The following TMC5 variants were observed in gnomAD, a reference collection of about 807,000 sequenced individuals.
The protein encoded by TMC5 is transmembrane channel like 5, also known as transmembrane channel-like protein 5.
In TMC5, 86 loss-of-function variants were observed where a neutral mutation model predicts 110.5. The observed-to-expected ratio is 0.78, with a 90% CI of 0.65 to 0.93. The LOEUF is 0.93. Among genes scored for constraint, TMC5 ranks in the 40% least tolerant of loss-of-function variants. TMC5 has a pLI of 0.00. For synonymous variants in TMC5, 455 were observed against 439.5 expected, an observed-to-expected ratio of 1.04 and a Z score of -0.44; for missense variants, 1,144 against 1,222.8, an observed-to-expected ratio of 0.94 and a Z score of 0.96.
intron 19 of TMC5, among the ~76,000 whole-genome samples, chr16:19,493,465 C>CTGTCT (rs71375644): frequency 3.6e-4 from 27 of 74,818 alleles, no homozygotes; most frequent in East Asian, 8.4e-4. Context: ...CTCTCTCTCT[C>CTGTCT]TTTTTTTTTT....
At position 19,472,164 on chromosome 16, in the gene TMC5, T is replaced by G. The variant is rs1362004272; in HGVS notation, c.1859T>G (p.Met620Arg). 2 of 1,614,058 alleles carry G rather than the reference T, an allele frequency of 1.2e-6. No homozygotes were observed. The highest frequency in any genetic ancestry group is 1.7e-5 in the Admixed American group (1 of 60,002). Residue 620 changes from methionine (M) to arginine (R), a missense_variant, in exon 11 of 22, where the codon ATG becomes AGG. Physicochemically the swap from Met to Arg is moderately conservative, Grantham distance 91. Coordinates refer to ENST00000542583, the MANE Select transcript of TMC5 (RefSeq NM_001261841.2). ...NQLLTRFSAYMVAWVVSTGVA... is the reference protein window; with the variant it reads ...NQLLTRFSAYRVAWVVSTGVA... Reference sequence around the variant, plus strand: ...CTGCTGACCCGCTTCTCTGCCTACATGGTAGCCTGGGTTGTCTCTACAGGA... The same window carrying G: ...CTGCTGACCCGCTTCTCTGCCTACAGGGTAGCCTGGGTTGTCTCTACAGGA...
intron 15 of TMC5, among the ~76,000 whole-genome samples, chr16:19,482,306 C>G (rs1362459151): frequency 6.6e-6 from 1 of 152,148 alleles, no homozygotes; most frequent in Non-Finnish European, 1.5e-5. Flanking sequence ...GATCCGCCCA[C>G]CTTGGTGGAT....
At position 19,498,370 on chromosome 16, in the gene TMC5, C is replaced by T. The variant is rs147415424; in HGVS notation, c.*404C>T. On this transcript the variant is annotated 3_prime_UTR_variant, in exon 22 of 22. Coordinates refer to ENST00000542583, the MANE Select transcript of TMC5 (RefSeq NM_001261841.2). Reference sequence around the variant, plus strand: ...AGAAACTGTTGCTAAGAAAAGTGGTCCATCCTGAATAAACATGTAATACTC... The same window carrying T: ...AGAAACTGTTGCTAAGAAAAGTGGTTCATCCTGAATAAACATGTAATACTC... The T allele has an allele frequency of 5.6e-5, 11 of 197,088 alleles. No individual in the cohort carries two copies. The highest frequency in any genetic ancestry group is 1.2e-4 in the Admixed American group (2 of 16,792). The allele number at this position is 197,088 out of a possible 1,614,324, so 12.2% of individuals were successfully genotyped here. A position where few individuals can be genotyped will look rare whatever the true frequency, so the allele number is the denominator to read the frequency against.
upstream of TMC5, among the ~76,000 whole-genome samples, chr16:19,413,587 G>C (rs1056867627): frequency 6.7e-6 from 1 of 148,516 alleles, no homozygotes; most frequent in African/African-American, 2.5e-5. Flanking sequence ...GGACAGTAAG[G>C]CTGGCATGGG....
At chr16:19,472,513 T>G (rs1270213551) in intron 11 of TMC5, among the ~76,000 whole-genome samples, 4 of 151,824 alleles carry the variant, frequency 2.6e-5, no homozygotes. Context: ...CTAAAAAAAT[T>G]TTAAAAATTA....
At chr16:19,492,915 G>GAGATAT (rs1555486833) in intron 19 of TMC5, among the ~76,000 whole-genome samples, 4 of 42,790 alleles carry the variant, frequency 9.3e-5, no homozygotes, top group South Asian at 1.2e-3. Flanking sequence ...TTAAAACTTA[G>GAGATAT]ATATATATAT....
intron 15 of TMC5, among the ~76,000 whole-genome samples, chr16:19,485,561 G>T (rs1209374871): frequency 6.6e-6 from 1 of 152,122 alleles, no homozygotes; most frequent in East Asian, 1.9e-4. Context: ...GCCTCCAAAA[G>T]TGATGAGATT....
At chr16:19,444,013 A>G in intron 3 of TMC5, 68 bp from the exon 4 acceptor site, 1 of 1,419,446 alleles carries the variant, frequency 7.0e-7, no homozygotes, top group Non-Finnish European at 9.7e-7. Context: ...GGATGGATGG[A>G]TGGATGGATG....
chr16:19,464,857 T>G (rs754336820), intron 8 of TMC5, among the ~76,000 whole-genome samples: 15 of 151,948 alleles, frequency 9.9e-5, no homozygotes, highest in Non-Finnish European at 1.9e-4. Flanking sequence ...TTTTTCTTCC[T>G]GTACAAACGT....
chr16:19,425,274 A>G (rs1967066945), intron 1 of TMC5, among the ~76,000 whole-genome samples: 1 of 150,330 alleles, frequency 6.7e-6, no homozygotes, highest in Non-Finnish European at 1.5e-5. Flanking sequence ...ATCTAATTCT[A>G]TGTCACTTTA....
chr16:19,437,829 G>A (rs1002190562), intron 2 of TMC5, among the ~76,000 whole-genome samples: 1 of 152,054 alleles, frequency 6.6e-6, no homozygotes, highest in African/African-American at 2.4e-5. Flanking sequence ...GAAGCTCCAG[G>A]CTTATGTATA....
In TMC5 at chr16:19,427,519, T is replaced by C. The variant is rs571233306; in HGVS notation, c.-307-2894T>C. On this transcript the variant is annotated intron_variant, in intron 1 of 21. Coordinates refer to ENST00000542583, the MANE Select transcript of TMC5 (RefSeq NM_001261841.2). ...GTTCCCGAGCTGGCCATATTTGAAG[T>C]GTTCCATAGCTACATGTGGCTAGTG... 4.6e-5 allele frequency among the ~76,000 whole-genome samples: 7 copies of C among 152,288 alleles called. No individual in the cohort carries two copies. In the South Asian group the frequency reaches 6.2e-4, roughly 14 times the overall value.
chr16:19,431,918 C>T (rs558409112), intron 2 of TMC5, among the ~76,000 whole-genome samples: 5 of 152,206 alleles, frequency 3.3e-5, no homozygotes, highest in Non-Finnish European at 5.9e-5. Flanking sequence ...TCAGCCCATC[C>T]CCTGTTGATG....
chr16:19,456,754 T>C (rs1294502619), intron 5 of TMC5: 2 of 1,614,064 alleles, frequency 1.2e-6, no homozygotes, highest in Middle Eastern at 3.3e-4. Flanking sequence ...AGGTTGAGAA[T>C]GTTTCCTCTG....
chr16:19,471,775 G>C (rs1379138683), intron 10 of TMC5, among the ~76,000 whole-genome samples: 2 of 151,620 alleles, frequency 1.3e-5, no homozygotes, highest in Non-Finnish European at 2.9e-5. Context: ...TTTATTTGTT[G>C]TTTGAGACAG....
At chr16:19,438,401 A>AG (rs1967396137) in intron 2 of TMC5, among the ~76,000 whole-genome samples, 2 of 79,222 alleles carry the variant, frequency 2.5e-5, no homozygotes, top group Admixed American at 1.3e-4. Context: ...AAAAAAAAAA[A>AG]AAAAAAAGAA....
At chr16:19,417,811 G>A (rs1966892650), upstream of TMC5, 2 of 152,160 alleles carry the variant, frequency 1.3e-5, no homozygotes, top group African/African-American at 2.4e-5. Flanking sequence ...GTGAGACCTG[G>A]TTACTCATTG....
In TMC5 at chr16:19,472,244, G is replaced by T; in HGVS notation, c.1938+1G>T. 6.2e-7 allele frequency: 1 copy of T among 1,613,724 alleles called. No homozygotes were observed. The highest frequency in any genetic ancestry group is 8.5e-7 in the Non-Finnish European group (1 of 1,179,898). Reference sequence around the variant, plus strand: ...TTACCTGGCTGAGTACAACTTAGAGGTAACCAACACCAGGGTCCAGGGCAG... The same window carrying T: ...TTACCTGGCTGAGTACAACTTAGAGTTAACCAACACCAGGGTCCAGGGCAG... On this transcript the variant is annotated splice_donor_variant, in intron 11 of 21. Transcript: ENST00000542583. LOFTEE classifies it high-confidence loss of function.
chr16:19,434,046 A>T (rs1205618812), intron 2 of TMC5, among the ~76,000 whole-genome samples: 1 of 6,568 alleles, frequency 1.5e-4, no homozygotes, highest in Non-Finnish European at 3.2e-4. Flanking sequence ...TATATATATA[A>T]TATATATAAT....
Sources: gnomAD v4.1 joint callset for allele counts (sites outside exome capture counted in the v4.1 genomes callset) on GRCh38, gnomAD v4.1.1 for gene constraint, MANE v1.5 for transcripts, NCBI Gene and HGNC (gene_info 2026-07-23, HGNC 2026-07-21) for gene names.